Variants in DTNA observed in about 807,000 individuals in gnomAD.
DTNA encodes the protein dystrobrevin alpha, also known as dystrophin-related protein 3.
In DTNA, 43 loss-of-function variants were observed where a neutral mutation model predicts 100.7. That is an observed-to-expected ratio of 0.43 (90% CI 0.33 to 0.55). DTNA has a LOEUF of 0.55. Among genes scored for constraint, DTNA ranks in the 20% least tolerant of loss-of-function variants. The probability of loss-of-function intolerance (pLI) is 0.04; values close to 1 mark genes in which losing one functional copy is unlikely to be tolerated. For synonymous variants in DTNA, 349 were observed against 347.9 expected (o/e 1.00, Z -0.04); for missense variants, 798 against 953.9 (o/e 0.84, Z 2.15).
chr18:34,543,907 T>G (rs950118942), intron 1 of DTNA, among the ~76,000 whole-genome samples: 5 of 152,036 alleles, frequency 3.3e-5, no homozygotes, highest in Non-Finnish European at 7.4e-5. Context: ...GCTACAGCAA[T>G]CAGGATAGAA....
At chr18:34,536,390 A>T (rs906755367) in intron 1 of DTNA, among the ~76,000 whole-genome samples, 10 of 152,020 alleles carry the variant, frequency 6.6e-5, no homozygotes, top group Admixed American at 6.6e-4. Flanking sequence ...TTATTAGATG[A>T]TGAGCGTTCT....
intron 17 of DTNA, chr18:34,866,416 A>G (rs1428550393): frequency 3.8e-6 from 5 of 1,313,684 alleles, no homozygotes; most frequent in East Asian, 3.5e-5. Flanking sequence ...CCCCAGAGGT[A>G]TAAGTTTCAA....
intron 1 of DTNA, among the ~76,000 whole-genome samples, chr18:34,718,955 T>C (rs1350013720): frequency 6.6e-6 from 1 of 152,316 alleles, no homozygotes; most frequent in African/African-American, 2.4e-5. Flanking sequence ...CTGTTCTAAG[T>C]ACTTTTTGTT....
intron 1 of DTNA, among the ~76,000 whole-genome samples, chr18:34,667,573 C>T (rs1391065648): frequency 6.6e-6 from 1 of 152,116 alleles, no homozygotes; most frequent in African/African-American, 2.4e-5. Flanking sequence ...TCATAAATAG[C>T]TCTTATTATT....
At chr18:34,674,146 G>C (rs2077116033) in intron 1 of DTNA, among the ~76,000 whole-genome samples, 1 of 152,226 alleles carries the variant, frequency 6.6e-6, no homozygotes, top group East Asian at 1.9e-4. Context: ...CAGCTTAGGA[G>C]CTGATGCAGC....
At chr18:34,644,774 C>T (rs1211566466) in intron 1 of DTNA, among the ~76,000 whole-genome samples, 1 of 152,046 alleles carries the variant, frequency 6.6e-6, no homozygotes, top group Non-Finnish European at 1.5e-5. Context: ...TTAGCGTTTC[C>T]TAGTATTGCT....
At chr18:34,533,937 G>A (rs2439853) in intron 1 of DTNA, among the ~76,000 whole-genome samples, 122,903 of 152,056 alleles carry the variant, frequency 0.81, 50,058 homozygotes, top group East Asian at 0.93. Context: ...AATTTGAATG[G>A]CTTTGAGAAA....
intron 1 of DTNA, among the ~76,000 whole-genome samples, chr18:34,633,192 G>T (rs531650358): frequency 6.6e-6 from 1 of 152,220 alleles, no homozygotes; most frequent in African/African-American, 2.4e-5. Flanking sequence ...AGTCCAGTGT[G>T]AGTTAATTAT....
At chr18:34,658,912 G>C (rs975937711) in intron 1 of DTNA, among the ~76,000 whole-genome samples, 8 of 152,198 alleles carry the variant, frequency 5.3e-5, no homozygotes, top group African/African-American at 1.9e-4. Flanking sequence ...TTTCTCCACT[G>C]TAACCACGGC....
chr18:34,609,372 G>A (rs2053777806), intron 1 of DTNA, among the ~76,000 whole-genome samples: 1 of 151,448 alleles, frequency 6.6e-6, no homozygotes, highest in African/African-American at 2.4e-5. Context: ...AGCCTCCCGA[G>A]CGGCTGGGAC....
At chr18:34,530,505 G>A (rs1260820851) in intron 1 of DTNA, among the ~76,000 whole-genome samples, 1 of 151,766 alleles carries the variant, frequency 6.6e-6, no homozygotes, top group Non-Finnish European at 1.5e-5. Context: ...TTTTTCTTTA[G>A]TTACTTATCT....
intron 1 of DTNA, among the ~76,000 whole-genome samples, chr18:34,576,853 G>A (rs759294117): frequency 4.2e-4 from 64 of 152,168 alleles, no homozygotes; most frequent in Non-Finnish European, 6.0e-4. Flanking sequence ...AACAGCCCAT[G>A]TCTTGTCATG....
intron 1 of DTNA, among the ~76,000 whole-genome samples, chr18:34,657,210 C>T (rs1261719565): frequency 1.3e-5 from 2 of 152,062 alleles, no homozygotes; most frequent in Non-Finnish European, 2.9e-5. Context: ...TCTTTTTAAC[C>T]CCTACCATTT....
At chr18:34,680,473 C>T (rs1279871836) in intron 1 of DTNA, among the ~76,000 whole-genome samples, 2 of 152,112 alleles carry the variant, frequency 1.3e-5, no homozygotes, top group East Asian at 3.9e-4. Flanking sequence ...AGGTGATCTT[C>T]AGAACACCAG....
rs1054804644 is a variant in DTNA at position 34,865,326 on chromosome 18, AT to A, written c.1743+1272del. ...CTCTTTTCTTCTTCCCTTTTTCTTC[AT>A]TTTTTTTGTTTCTTTCTTGATTGCC... On this transcript the variant is annotated intron_variant, in intron 17 of 22. Coordinates refer to ENST00000444659, the MANE Select transcript of DTNA (RefSeq NM_001386795.1). 2.6e-3 allele frequency among the ~76,000 whole-genome samples: 329 copies of A among 125,986 alleles called. 4 individuals are homozygous for A. The highest frequency in any genetic ancestry group is 5.8e-4 in the Non-Finnish European group (33 of 57,362). The allele number at this position is 125,986 out of a possible 152,430, so 82.7% of individuals were successfully genotyped here. A position where few individuals can be genotyped will look rare whatever the true frequency, so the allele number is the denominator to read the frequency against.
chr18:34,708,195 C>T (rs1020816407), upstream of DTNA: 14 of 151,958 alleles, frequency 9.2e-5, no homozygotes, highest in South Asian at 2.1e-4. Flanking sequence ...AATTTGATTA[C>T]GATGGAGAGA....
chr18:34,618,734 C>T (rs944842952), intron 1 of DTNA, among the ~76,000 whole-genome samples: 9 of 152,060 alleles, frequency 5.9e-5, no homozygotes, highest in African/African-American at 1.9e-4. Context: ...TTTTCATTTT[C>T]GTAAAAATAT....
chr18:34,809,549 A>G (rs957987778), intron 5 of DTNA, among the ~76,000 whole-genome samples: 19 of 152,154 alleles, frequency 1.2e-4, no homozygotes, highest in Admixed American at 7.2e-4. Flanking sequence ...AGGGATATGG[A>G]ATGTTTCAGG....
chr18:34,531,179 ATATACATTC>A (rs1568599695), intron 1 of DTNA, among the ~76,000 whole-genome samples: 1 of 152,138 alleles, frequency 6.6e-6, no homozygotes, highest in East Asian at 1.9e-4. Flanking sequence ...TTGCTTTAGC[ATATACATTC>A]TGTGTTTTAA....
Sources: allele counts gnomAD v4.1 joint callset (sites outside exome capture counted in the v4.1 genomes callset), GRCh38; gene constraint gnomAD v4.1.1; transcripts MANE v1.5; gene names NCBI Gene and HGNC (gene_info 2026-07-23, HGNC 2026-07-21).